KCNN2: variants seen among roughly 807,000 people sequenced by gnomAD.
KCNN2 encodes small conductance calcium-activated potassium channel protein 2.
Under a neutral mutation model 55.5 loss-of-function variants are expected in KCNN2, and 24 were observed. The ratio of observed to expected loss-of-function variants is 0.43; its 90% CI spans 0.31 to 0.61. KCNN2 has a LOEUF of 0.61. KCNN2 is among the 20% of genes least tolerant of loss of function. The pLI is 0.08. For synonymous variants in KCNN2, 431 were observed against 336.1 expected (o/e 1.28, Z -3.09); for missense variants, 754 against 853.6 (o/e 0.88, Z 1.45).
chr5:114,335,784 G>A (rs953116627), intron 2 of KCNN2, among the ~76,000 whole-genome samples: 1 of 152,166 alleles, frequency 6.6e-6, no homozygotes. Flanking sequence ...TATAGTAAGA[G>A]TGGTTAGAAA....
chr5:114,283,773 A>G (rs1474204734), intron 2 of KCNN2, among the ~76,000 whole-genome samples: 1 of 152,206 alleles, frequency 6.6e-6, no homozygotes, highest in African/African-American at 2.4e-5. Flanking sequence ...GCAGTCTCAA[A>G]TTAAGGCTTG....
intron 2 of KCNN2, among the ~76,000 whole-genome samples, chr5:114,256,225 G>C (rs905431288): frequency 6.6e-6 from 1 of 151,474 alleles, no homozygotes; most frequent in Non-Finnish European, 1.5e-5. Context: ...GGGTGTGTGT[G>C]TATATATATA....
At chr5:114,426,264 A>C (rs938720792) in intron 3 of KCNN2, among the ~76,000 whole-genome samples, 4 of 152,196 alleles carry the variant, frequency 2.6e-5, no homozygotes, top group African/African-American at 9.7e-5. Flanking sequence ...GATTTTGTCA[A>C]ATACTTTTCT....
At chr5:114,071,654 A>T (rs1485893984) in intron 1 of KCNN2, among the ~76,000 whole-genome samples, 1 of 152,242 alleles carries the variant, frequency 6.6e-6, no homozygotes, top group African/African-American at 2.4e-5. Context: ...TTTTAGGAAA[A>T]AAGTGAATGA....
chr5:114,128,287 C>G (rs1478692382), intron 1 of KCNN2, among the ~76,000 whole-genome samples: 1 of 152,182 alleles, frequency 6.6e-6, no homozygotes. Context: ...AGGAAATTTA[C>G]AATCTTGATG....
chr5:114,154,338 G>A (rs1752586355), intron 1 of KCNN2, among the ~76,000 whole-genome samples: 1 of 152,096 alleles, frequency 6.6e-6, no homozygotes, highest in Non-Finnish European at 1.5e-5. Context: ...TTTGGATTTT[G>A]TAGTATAGCC....
intron 2 of KCNN2, among the ~76,000 whole-genome samples, chr5:114,283,899 G>A (rs577180264): frequency 7.9e-5 from 12 of 152,180 alleles, no homozygotes; most frequent in South Asian, 2.1e-4. Context: ...CCTTTGTCAC[G>A]CATTACATTC....
intron 1 of KCNN2, among the ~76,000 whole-genome samples, chr5:114,102,139 A>T (rs1438682037): frequency 6.6e-6 from 1 of 152,244 alleles, no homozygotes; most frequent in Non-Finnish European, 1.5e-5. Context: ...CTGGCATGAG[A>T]TGATATCTCA....
At chr5:114,364,809 T>C (rs182426984) in intron 2 of KCNN2, among the ~76,000 whole-genome samples, 1 of 152,138 alleles carries the variant, frequency 6.6e-6, no homozygotes, top group Admixed American at 6.5e-5. Flanking sequence ...GGGACTTTTT[T>C]CAGCTTAGAA....
intron 1 of KCNN2, among the ~76,000 whole-genome samples, chr5:114,198,138 C>T (rs527683221): frequency 1.3e-5 from 2 of 151,920 alleles, no homozygotes; most frequent in South Asian, 4.2e-4. Flanking sequence ...GGATCTATAT[C>T]TGCCATTTGT....
At chr5:114,486,261 G>A (rs1042796894) in intron 5 of KCNN2, among the ~76,000 whole-genome samples, 1 of 152,154 alleles carries the variant, frequency 6.6e-6, no homozygotes, top group Admixed American at 6.6e-5. Context: ...TGAAAGCTGT[G>A]GGTCATCAGA....
chr5:114,217,340 C>T (rs1007129988), intron 1 of KCNN2, among the ~76,000 whole-genome samples: 1 of 152,070 alleles, frequency 6.6e-6, no homozygotes, highest in Non-Finnish European at 1.5e-5. Context: ...CACCACCTAA[C>T]TTCAAGACTT....
intron 1 of KCNN2, among the ~76,000 whole-genome samples, chr5:114,133,104 A>T (rs1752102965): frequency 6.6e-6 from 1 of 152,202 alleles, no homozygotes; most frequent in East Asian, 1.9e-4. Context: ...GCCTAAATTT[A>T]GGAAACATAA....
intron 1 of KCNN2, among the ~76,000 whole-genome samples, chr5:114,171,442 A>T (rs546391992): frequency 6.6e-6 from 1 of 152,070 alleles, no homozygotes; most frequent in Admixed American, 6.6e-5. Flanking sequence ...CAGTGGAGAA[A>T]TTTAATGAGT....
At chr5:114,133,419 A>C (rs1041656909) in intron 1 of KCNN2, among the ~76,000 whole-genome samples, 1 of 152,214 alleles carries the variant, frequency 6.6e-6, no homozygotes, top group Non-Finnish European at 1.5e-5. Context: ...CTAGGCTTAG[A>C]GTATAATTGC....
chr5:114,285,908 T>C (rs922495287), intron 2 of KCNN2, among the ~76,000 whole-genome samples: 2 of 115,698 alleles, frequency 1.7e-5, no homozygotes, highest in Admixed American at 2.4e-4. Context: ...GCACCTACAA[T>C]TTGGGAAGCT....
At chr5:114,390,738 G>A (rs1758427972) in intron 2 of KCNN2, among the ~76,000 whole-genome samples, 1 of 152,076 alleles carries the variant, frequency 6.6e-6, no homozygotes, top group Non-Finnish European at 1.5e-5. Flanking sequence ...TGTGATGTCA[G>A]TTCTGTTGAG....
At chr5:114,204,707 A>G (rs1464274073) in intron 1 of KCNN2, among the ~76,000 whole-genome samples, 1 of 152,212 alleles carries the variant, frequency 6.6e-6, no homozygotes, top group Non-Finnish European at 1.5e-5. Context: ...CATTATGGTG[A>G]CACCACCATT....
chr5:114,295,575 T>G (rs1175688659), intron 2 of KCNN2, among the ~76,000 whole-genome samples: 1 of 152,028 alleles, frequency 6.6e-6, no homozygotes, highest in Non-Finnish European at 1.5e-5. Context: ...AGGGTGGGAG[T>G]GACCAGATTT....
Sources: allele counts gnomAD v4.1 joint callset (sites outside exome capture counted in the v4.1 genomes callset), GRCh38; gene constraint gnomAD v4.1.1; transcripts MANE v1.5; gene names NCBI Gene and HGNC (gene_info 2026-07-23, HGNC 2026-07-21).